ZNF469: variants seen among roughly 807,000 people sequenced by gnomAD.
The protein encoded by ZNF469 is zinc finger protein 469.
ZNF469 carries 1 observed loss-of-function variant against 1.0 expected under a neutral mutation model. The observed-to-expected ratio is 1.00, with a 90% CI of 0.35 to 4.73. The LOEUF is 4.73. Among genes scored for constraint, ZNF469 ranks in the 30% most tolerant of loss-of-function variants. The pLI, the probability that ZNF469 is intolerant of heterozygous loss-of-function variation, is 0.16. For missense variants in ZNF469, 6,100 were observed against 5,356.3 expected (o/e 1.14, Z -4.33); for synonymous variants, 2,703 against 2,363.4 (o/e 1.14, Z -4.17).
At chr16:88,342,109 A>T in the ZNF469 span, among the ~76,000 whole-genome samples, 676 of 152,066 alleles carry the variant, frequency 4.4e-3, 1 homozygote, top group Non-Finnish European at 6.0e-3. Flanking sequence ...GGCCGGTGGG[A>T]GAGGCCGGGC....
chr16:88,423,819 G>C (rs1905586962), intron 1 of ZNF469, among the ~76,000 whole-genome samples: 1 of 152,236 alleles, frequency 6.6e-6, no homozygotes, highest in Admixed American at 6.5e-5. Flanking sequence ...TGTGATCTAA[G>C]TGTGCAAGGA....
intron 1 of ZNF469, among the ~76,000 whole-genome samples, chr16:88,403,545 A>G (rs1904942607): frequency 6.6e-6 from 1 of 151,246 alleles, no homozygotes; most frequent in Non-Finnish European, 1.5e-5. Context: ...GTGAGCTGCC[A>G]TCGAGGCCAC....
At chr16:88,239,662 TTTTTGTATATATATATATATATATATATA>T in the ZNF469 span, among the ~76,000 whole-genome samples, 1 of 95,422 alleles carries the variant, frequency 1.0e-5, no homozygotes, top group African/African-American at 3.8e-5. Context: ...TTATTTTTTT[TTTTTGTATATATATATATATATATATATA>T]TATATATATA....
chr16:88,335,264 C>T, the ZNF469 span, among the ~76,000 whole-genome samples: 3 of 152,180 alleles, frequency 2.0e-5, no homozygotes, highest in Admixed American at 2.0e-4. Flanking sequence ...GGCTCTCCAC[C>T]ACCCCAAAAC....
Position 88,434,700 on chromosome 16 carries a change from C to G in ZNF469, c.7230C>G (p.Ala2410=), listed in dbSNP as rs1339451382. 8.4e-6 allele frequency: 13 copies of G among 1,550,370 alleles called. No individual in the cohort carries two copies. The highest frequency in any genetic ancestry group is 1.1e-5 in the Non-Finnish European group (13 of 1,146,966). ...GACTGGGCTTGGGAAGAACCACAGCCCCAAGCAGCACAGCCAGTGACTTCC... is the reference window on the plus strand; with the variant it reads ...GACTGGGCTTGGGAAGAACCACAGCGCCAAGCAGCACAGCCAGTGACTTCC... The part of the protein sequence containing the change: ...STGLGLGRTT[A]PSSTASDFQS... The change falls in exon 3 of 3, where the codon GCC becomes GCG. Residue 2410 remains alanine, a synonymous_variant. Transcript: ENST00000565624.
chr16:88,247,464 ATGAATGAGTGAG>A, the ZNF469 span, among the ~76,000 whole-genome samples: 2 of 149,548 alleles, frequency 1.3e-5, no homozygotes, highest in African/African-American at 5.1e-5. Flanking sequence ...GAGTGAATGA[ATGAATGAGTGAG>A]TGAATGAGTG....
chr16:88,438,453 C>T lies in ZNF469; in HGVS notation c.10983C>T (p.Pro3661=). Residue 3661 remains proline (P), a synonymous_variant, in exon 3 of 3, where the codon CCC becomes CCT. Coordinates refer to ENST00000565624, the MANE Select transcript of ZNF469 (RefSeq NM_001367624.2). ...SSSHMVSEGG[P]RGAFHKGSAT... is the part of the protein sequence containing the mutation. ...GCCACATGGTGTCTGAGGGGGGGCC[C>T]CGAGGCGCCTTCCACAAGGGCAGCG... is the stretch of plus-strand genomic sequence containing the variant. 6.5e-7 allele frequency: 1 copy of T among 1,550,156 alleles called. No homozygotes were observed. The highest frequency in any genetic ancestry group is 8.7e-7 in the Non-Finnish European group (1 of 1,146,966).
chr16:88,198,657 A>T, the ZNF469 span, among the ~76,000 whole-genome samples: 7 of 152,188 alleles, frequency 4.6e-5, no homozygotes, highest in Non-Finnish European at 1.5e-5. Context: ...TTTGAGGCTG[A>T]CGGGTTTCTT....
At chr16:88,356,876 T>C in the ZNF469 span, among the ~76,000 whole-genome samples, 1 of 152,370 alleles carries the variant, frequency 6.6e-6, no homozygotes, top group South Asian at 2.1e-4. Flanking sequence ...CCGCAGACTC[T>C]TGCTGAATCC....
the ZNF469 span, among the ~76,000 whole-genome samples, chr16:88,358,312 GC>G: frequency 6.6e-6 from 1 of 152,214 alleles, no homozygotes; most frequent in Non-Finnish European, 1.5e-5. Context: ...GGGGAGGGGG[GC>G]TGGTCTTCCC....
the ZNF469 span, among the ~76,000 whole-genome samples, chr16:88,177,126 T>C: frequency 6.6e-6 from 1 of 152,238 alleles, no homozygotes; most frequent in East Asian, 1.9e-4. The surrounding 1 kb of genome is among the most constrained non-coding windows in gnomAD (Gnocchi z 4.8). Context: ...GAAACATTTC[T>C]GGACTAATTC....
Position 88,438,249 on chromosome 16 carries a change from A to C in ZNF469, c.10779A>C (p.Gln3593His). 1 of 1,547,818 alleles carries C rather than the reference A, an allele frequency of 6.5e-7. No individual in the cohort carries two copies. The highest frequency in any genetic ancestry group is 2.5e-5 in the East Asian group (1 of 40,802). Residue 3593 changes from glutamine (Q) to histidine (H), a missense_variant, in exon 3 of 3, where the codon CAA (glutamine) becomes CAC (histidine). Transcript: ENST00000565624. ...GCAGCCCCGGGCCTCTTCTCCAGCAAGCTCTCCCTCTGGGGGCATCTCTGC... is the reference window on the plus strand; with the variant it reads ...GCAGCCCCGGGCCTCTTCTCCAGCACGCTCTCCCTCTGGGGGCATCTCTGC... Reference protein sequence around the residue: ...SPGSPGPLLQQALPLGASLPR... With the variant: ...SPGSPGPLLQHALPLGASLPR...
At chr16:88,374,698 A>G in the ZNF469 span, among the ~76,000 whole-genome samples, 12 of 120,222 alleles carry the variant, frequency 1.0e-4, no homozygotes, top group African/African-American at 1.6e-4. Flanking sequence ...CTGCGTGTGC[A>G]GTGGGCTGAG....
upstream of ZNF469, among the ~76,000 whole-genome samples, chr16:88,382,205 G>A (rs970209053): frequency 2.0e-5 from 3 of 152,238 alleles, no homozygotes; most frequent in Non-Finnish European, 2.9e-5. Flanking sequence ...TGGGACAGCC[G>A]GGGACGGGCA....
the ZNF469 span, among the ~76,000 whole-genome samples, chr16:88,193,210 A>G: frequency 7.2e-3 from 106 of 14,720 alleles, no homozygotes; most frequent in East Asian, 0.013. Context: ...GGTGGTGGGG[A>G]TGGTGGTGAT....
chr16:88,185,492 C>G, the ZNF469 span, among the ~76,000 whole-genome samples: 1 of 149,448 alleles, frequency 6.7e-6, no homozygotes. Flanking sequence ...ACTCACATGA[C>G]TATAATACAT....
intron 1 of ZNF469, among the ~76,000 whole-genome samples, chr16:88,394,221 A>G (rs1904588185): frequency 6.6e-6 from 1 of 150,612 alleles, no homozygotes; most frequent in African/African-American, 2.5e-5. Context: ...ACACATGTAC[A>G]CCTGTGCTGT....
the ZNF469 span, among the ~76,000 whole-genome samples, chr16:88,153,063 C>T: frequency 0.023 from 3,521 of 152,258 alleles, 142 homozygotes; most frequent in African/African-American, 0.081. Flanking sequence ...TTCCCTCCCA[C>T]GACAGGATAT....
the ZNF469 span, among the ~76,000 whole-genome samples, chr16:88,247,685 ATGAG>A: frequency 3.2e-3 from 482 of 151,580 alleles, 1 homozygote; most frequent in African/African-American, 5.9e-3. Context: ...GAATGACTGA[ATGAG>A]TGAGTGAGTG....
Sources: gnomAD v4.1 joint callset for allele counts (sites outside exome capture counted in the v4.1 genomes callset) on GRCh38, gnomAD v4.1.1 for gene constraint, Gnocchi (gnomAD v3.1) non-coding constraint, MANE v1.5 for transcripts, NCBI Gene and HGNC (gene_info 2026-07-23, HGNC 2026-07-21) for gene names.